Variants in CADPS2 observed in about 807,000 individuals in gnomAD.
CADPS2 encodes the protein calcium-dependent secretion activator 2.
In CADPS2, 93 loss-of-function variants were observed where a neutral mutation model predicts 172.5. That is an observed-to-expected ratio of 0.54 (90% CI 0.46 to 0.64). The LOEUF (loss-of-function observed/expected upper bound fraction) is 0.64, where lower values mean the gene tolerates loss of function less well. Among genes scored for constraint, CADPS2 ranks in the 30% least tolerant of loss-of-function variants. CADPS2 has a pLI of 0.00. For missense variants in CADPS2, 1,420 were observed against 1,565.9 expected, an observed-to-expected ratio of 0.91 and a Z score of 1.57; for synonymous variants, 546 against 555.2, an observed-to-expected ratio of 0.98 and a Z score of 0.23.
chr7:122,677,566 A>G (rs1257987309), intron 2 of CADPS2, among the ~76,000 whole-genome samples: 1 of 152,210 alleles, frequency 6.6e-6, no homozygotes, highest in Non-Finnish European at 1.5e-5. Context: ...CAAATAGCTA[A>G]AATTTATTTT....
At chr7:122,645,141 C>T (rs1226193651) in intron 3 of CADPS2, among the ~76,000 whole-genome samples, 1 of 149,936 alleles carries the variant, frequency 6.7e-6, no homozygotes, top group Non-Finnish European at 1.5e-5. Flanking sequence ...ACATAAAAAC[C>T]GTGGGACTTC....
At chr7:122,645,344 CAT>C (rs199949211) in intron 3 of CADPS2, among the ~76,000 whole-genome samples, 5,425 of 98,516 alleles carry the variant, frequency 0.055, 400 homozygotes, top group Non-Finnish European at 0.085. Flanking sequence ...CACACATGTA[CAT>C]GTGTGTGTAT....
At chr7:122,412,774 T>C (rs2047458741) in intron 19 of CADPS2, 1 of 152,236 alleles carries the variant, frequency 6.6e-6, no homozygotes, top group South Asian at 2.1e-4. Context: ...TCAGCCCTTC[T>C]ACTGATATTC....
At chr7:122,596,363 T>C (rs561141159) in intron 6 of CADPS2, among the ~76,000 whole-genome samples, 2 of 152,256 alleles carry the variant, frequency 1.3e-5, no homozygotes, top group East Asian at 1.9e-4. Flanking sequence ...TAATGGAACA[T>C]TTAAATAATG....
chr7:122,382,153 T>C (rs1310581803), intron 24 of CADPS2: 1 of 152,188 alleles, frequency 6.6e-6, no homozygotes, highest in Non-Finnish European at 1.5e-5. Context: ...CCCAGGTAAC[T>C]TTCTTTTTCT....
At chr7:122,694,013 C>T (rs2084751991) in intron 2 of CADPS2, among the ~76,000 whole-genome samples, 1 of 152,024 alleles carries the variant, frequency 6.6e-6, no homozygotes, top group Admixed American at 6.5e-5. Context: ...TCAACAGAAG[C>T]AAAGATCTGG....
intron 2 of CADPS2, among the ~76,000 whole-genome samples, chr7:122,673,467 G>A (rs1024115490): frequency 6.6e-6 from 1 of 152,002 alleles, no homozygotes; most frequent in African/African-American, 2.4e-5. Flanking sequence ...AGATTAGCTA[G>A]ATACAGAGTG....
chr7:122,679,265 T>TGTGGGGC (rs71161322), intron 2 of CADPS2, among the ~76,000 whole-genome samples: 2 of 39,144 alleles, frequency 5.1e-5, no homozygotes, highest in Non-Finnish European at 1.2e-4. Flanking sequence ...AATGCATTCC[T>TGTGGGGC]GGGGGGGGGG....
At chr7:122,710,010 T>C (rs1267277275) in intron 2 of CADPS2, among the ~76,000 whole-genome samples, 2 of 145,582 alleles carry the variant, frequency 1.4e-5, no homozygotes, top group African/African-American at 5.1e-5. Flanking sequence ...GTAACTAACC[T>C]GCACATTGTG....
At chr7:122,859,533 T>G (rs1340449463) in intron 1 of CADPS2, among the ~76,000 whole-genome samples, 1 of 152,066 alleles carries the variant, frequency 6.6e-6, no homozygotes, top group Non-Finnish European at 1.5e-5. Flanking sequence ...GAGTCAAAGA[T>G]AAAACTATTA....
intron 1 of CADPS2, among the ~76,000 whole-genome samples, chr7:122,795,702 G>A (rs1272080176): frequency 6.6e-6 from 1 of 152,050 alleles, no homozygotes; most frequent in African/African-American, 2.4e-5. Flanking sequence ...AGATATTGAA[G>A]GACTATACCT....
At chr7:122,714,101 A>G (rs914555431) in intron 2 of CADPS2, among the ~76,000 whole-genome samples, 2 of 152,120 alleles carry the variant, frequency 1.3e-5, no homozygotes, top group African/African-American at 4.8e-5. Context: ...TTACCATGAC[A>G]GAAAGCAAAT....
At chr7:122,605,382 T>A (rs1297967888) in intron 6 of CADPS2, among the ~76,000 whole-genome samples, 1 of 152,302 alleles carries the variant, frequency 6.6e-6, no homozygotes, top group East Asian at 1.9e-4. Context: ...GGCTCCATTA[T>A]CAACTTATTG....
chr7:122,528,362 C>T (rs1387653860), intron 8 of CADPS2, among the ~76,000 whole-genome samples: 1 of 152,126 alleles, frequency 6.6e-6, no homozygotes, highest in Admixed American at 6.6e-5. Context: ...TCTTCTTATT[C>T]ATTAGATAAA....
intron 9 of CADPS2, among the ~76,000 whole-genome samples, chr7:122,507,434 T>C (rs2130682530): frequency 6.6e-6 from 1 of 152,270 alleles, no homozygotes; most frequent in Non-Finnish European, 1.5e-5. Context: ...GAGGTGCCTT[T>C]GGTGGGGGTA....
At chr7:122,786,628 T>C (rs1280432381) in intron 1 of CADPS2, among the ~76,000 whole-genome samples, 1 of 152,210 alleles carries the variant, frequency 6.6e-6, no homozygotes, top group African/African-American at 2.4e-5. Flanking sequence ...CCTTTCAATT[T>C]TGAGATGTAA....
chr7:122,870,844 G>T (rs372146944), intron 1 of CADPS2, among the ~76,000 whole-genome samples: 32 of 152,030 alleles, frequency 2.1e-4, no homozygotes, highest in African/African-American at 7.5e-4. Context: ...TTCAAATATT[G>T]CCTCAATATT....
intron 6 of CADPS2, among the ~76,000 whole-genome samples, chr7:122,591,909 T>C (rs2070869654): frequency 6.6e-6 from 1 of 152,094 alleles, no homozygotes; most frequent in Non-Finnish European, 1.5e-5. Flanking sequence ...GGAAATACCA[T>C]TCAGGACATA....
At chr7:122,738,366 G>A (rs1417574354) in intron 1 of CADPS2, among the ~76,000 whole-genome samples, 1 of 151,396 alleles carries the variant, frequency 6.6e-6, no homozygotes, top group Non-Finnish European at 1.5e-5. Flanking sequence ...TACTTCACTA[G>A]AAATAAGGCG....
Sources: allele counts gnomAD v4.1 joint callset (sites outside exome capture counted in the v4.1 genomes callset), GRCh38; gene constraint gnomAD v4.1.1; transcripts MANE v1.5; gene names NCBI Gene and HGNC (gene_info 2026-07-23, HGNC 2026-07-21).